AKT3: variants seen among roughly 807,000 people sequenced by gnomAD.
AKT3 encodes the protein AKT serine/threonine kinase 3, also known as RAC-gamma serine/threonine-protein kinase.
In AKT3, 15 loss-of-function variants were observed where a neutral mutation model predicts 65.3. That is an observed-to-expected ratio of 0.23 (90% confidence interval 0.15 to 0.35). The LOEUF (loss-of-function observed/expected upper bound fraction) is 0.35. Ranked by LOEUF, AKT3 falls within the 10% of genes least tolerant of loss-of-function variation. The pLI is 1.00. For missense variants in AKT3, 243 were observed against 576.5 expected (o/e 0.42, Z 5.92); for synonymous variants, 206 against 183.8 (o/e 1.12, Z -0.98).
chr1:243,624,953 C>T, intron 6 of AKT3: 1 of 287,082 alleles, frequency 3.5e-6, no homozygotes, highest in East Asian at 8.7e-5. Flanking sequence ...TTGGTTTGTC[C>T]ACATTTCCCA....
intron 3 of AKT3, among the ~76,000 whole-genome samples, chr1:243,692,026 A>G (rs1279116017): frequency 6.6e-6 from 1 of 152,216 alleles, no homozygotes; most frequent in Non-Finnish European, 1.5e-5. Flanking sequence ...ATGGTGATCA[A>G]CAGTATAAAA....
At chr1:243,575,016 A>C (rs777611474) in intron 8 of AKT3, among the ~76,000 whole-genome samples, 3 of 152,136 alleles carry the variant, frequency 2.0e-5, no homozygotes, top group Non-Finnish European at 2.9e-5. Flanking sequence ...ATCAGCTAAA[A>C]ATTATATTTA....
At chr1:243,524,735 C>CA (rs1325169419) in intron 12 of AKT3, among the ~76,000 whole-genome samples, 2 of 152,178 alleles carry the variant, frequency 1.3e-5, no homozygotes, top group African/African-American at 2.4e-5. Flanking sequence ...AACAAATACT[C>CA]AGTTTCACTT....
intron 2 of AKT3, among the ~76,000 whole-genome samples, chr1:243,833,213 C>G (rs761574620): frequency 6.6e-6 from 1 of 152,140 alleles, no homozygotes; most frequent in Non-Finnish European, 1.5e-5. Flanking sequence ...GATCACACCA[C>G]TGCACTTCAG....
At chr1:243,525,303 C>T (rs978232404) in intron 12 of AKT3, among the ~76,000 whole-genome samples, 4 of 151,890 alleles carry the variant, frequency 2.6e-5, no homozygotes, top group Non-Finnish European at 5.9e-5. Context: ...GCAACCTAAC[C>T]GAATTCAGAG....
intron 9 of AKT3, among the ~76,000 whole-genome samples, chr1:243,570,950 T>A (rs1173445576): frequency 2.4e-4 from 37 of 152,330 alleles, no homozygotes; most frequent in Admixed American, 2.0e-3. Flanking sequence ...TACTTTATAT[T>A]GCAGTTTGAC....
intron 8 of AKT3, among the ~76,000 whole-genome samples, chr1:243,582,199 T>C (rs796912096): frequency 1.4e-4 from 22 of 152,074 alleles, no homozygotes; most frequent in African/African-American, 5.3e-4. Flanking sequence ...AAAACTTTGG[T>C]AATCTTGTTA....
intron 3 of AKT3, among the ~76,000 whole-genome samples, chr1:243,666,072 C>T (rs1201481297): frequency 2.0e-5 from 3 of 152,002 alleles, no homozygotes; most frequent in East Asian, 1.9e-4. Flanking sequence ...GGCGCGATCT[C>T]GGCTCACCGT....
chr1:243,615,586 C>A (rs570815903), intron 6 of AKT3, among the ~76,000 whole-genome samples: 4 of 152,034 alleles, frequency 2.6e-5, no homozygotes, highest in Admixed American at 1.3e-4. Context: ...CAATAAATAT[C>A]AAAGAATTTA....
rs561744087 is a variant in AKT3 at position 243,540,166 on chromosome 1, T to C, written c.1251+5344A>G. On this transcript the variant is annotated intron_variant, in intron 12 of 13. Transcript: ENST00000673466. ...TTAGGAAAAGAAGATGACATAGTAATATCACTCAGGATTTCAGGATGCAAA... is the reference window on the plus strand; with the variant it reads ...TTAGGAAAAGAAGATGACATAGTAACATCACTCAGGATTTCAGGATGCAAA... 2.0e-5 allele frequency among the ~76,000 whole-genome samples: 3 copies of C among 152,238 alleles called. No homozygotes were observed. The East Asian group carries it at 5.8e-4, about 29-fold the overall frequency.
chr1:243,737,343 G>T (rs976812532), intron 2 of AKT3, among the ~76,000 whole-genome samples: 17 of 152,244 alleles, frequency 1.1e-4, no homozygotes, highest in African/African-American at 4.1e-4. Flanking sequence ...TTGGCGTGTA[G>T]TAACAGCTCA....
chr1:243,542,410 T>C (rs1201579754), intron 12 of AKT3, among the ~76,000 whole-genome samples: 1 of 152,188 alleles, frequency 6.6e-6, no homozygotes, highest in African/African-American at 2.4e-5. Context: ...GTAATTAAGA[T>C]TACTTTCACT....
chr1:243,660,377 T>G (rs902894267), intron 4 of AKT3, among the ~76,000 whole-genome samples: 1 of 152,172 alleles, frequency 6.6e-6, no homozygotes, highest in East Asian at 1.9e-4. Context: ...CAAGTGGGCT[T>G]CATCCCTGGG....
intron 8 of AKT3, among the ~76,000 whole-genome samples, chr1:243,607,719 G>A (rs1024488330): frequency 2.0e-5 from 3 of 152,104 alleles, no homozygotes; most frequent in Admixed American, 6.5e-5. Context: ...TTTGGGAGGG[G>A]CCAGGAGCAG....
chr1:243,759,142 C>T lies in AKT3; in HGVS notation c.47-63426G>A, dbSNP rs534759777. Among the ~76,000 whole-genome samples the T allele has an allele frequency of 7.2e-5, 11 of 152,104 alleles. No homozygotes were observed. In the East Asian group the frequency reaches 1.4e-3, roughly 19 times the overall value. ...CAGCCTGGGCAAAATGCCAAAACCT[C>T]GTCTCTATAAAAAACTACAAAAATT... On this transcript the variant is annotated intron_variant, in intron 2 of 13. Transcript: ENST00000673466.
chr1:243,754,279 G>A (rs1332064251), intron 2 of AKT3, among the ~76,000 whole-genome samples: 1 of 152,176 alleles, frequency 6.6e-6, no homozygotes, highest in Non-Finnish European at 1.5e-5. Context: ...ATGGCCCTCT[G>A]TACTTTCCAT....
At chr1:243,820,212 C>G (rs1693776450) in intron 2 of AKT3, among the ~76,000 whole-genome samples, 1 of 152,194 alleles carries the variant, frequency 6.6e-6, no homozygotes, top group Non-Finnish European at 1.5e-5. Context: ...AGCCACCACA[C>G]CCAGCCCTAA....
chr1:243,572,808 G>A (rs945995702), intron 9 of AKT3, 118 bp downstream of exon 9: 1 of 1,121,314 alleles, frequency 8.9e-7, no homozygotes, highest in Non-Finnish European at 1.2e-6. Context: ...TTTAAACATA[G>A]TGCTTTTTTC....
intron 10 of AKT3, among the ~76,000 whole-genome samples, chr1:243,556,001 A>C (rs998993331): frequency 6.6e-6 from 1 of 152,140 alleles, no homozygotes; most frequent in African/African-American, 2.4e-5. Context: ...ACAGAGATGA[A>C]AGAGGAGATT....
Sources: allele counts gnomAD v4.1 joint callset (sites outside exome capture counted in the v4.1 genomes callset), GRCh38; gene constraint gnomAD v4.1.1; transcripts MANE v1.5; gene names NCBI Gene and HGNC (gene_info 2026-07-23, HGNC 2026-07-21).